Variants in STK39 observed in about 807,000 individuals in gnomAD.
STK39 encodes the protein serine/threonine kinase 39.
In STK39, 20 loss-of-function variants were observed where a neutral mutation model predicts 77.8. The observed-to-expected ratio is 0.26, with a 90% CI of 0.18 to 0.37. The LOEUF (loss-of-function observed/expected upper bound fraction) is 0.37. Ranked by LOEUF, STK39 falls within the 10% of genes least tolerant of loss-of-function variation. The probability of loss-of-function intolerance (pLI) is 1.00; values close to 1 mark genes in which losing one functional copy is unlikely to be tolerated. For missense variants in STK39, 479 were observed against 656.5 expected, an observed-to-expected ratio of 0.73 and a Z score of 2.95; for synonymous variants, 246 against 234.1, an observed-to-expected ratio of 1.05 and a Z score of -0.47.
At chr2:168,049,445 C>G (rs142630864) in intron 14 of STK39, among the ~76,000 whole-genome samples, 1 of 152,286 alleles carries the variant, frequency 6.6e-6, no homozygotes, top group African/African-American at 2.4e-5. Flanking sequence ...TATTTCTGGA[C>G]TTTTCTTTCA....
chr2:168,112,419 C>G (rs947067038), intron 10 of STK39, among the ~76,000 whole-genome samples: 7 of 152,112 alleles, frequency 4.6e-5, no homozygotes, highest in Non-Finnish European at 8.8e-5. Context: ...ATGCTGTTCT[C>G]ATGACACAGT....
intron 14 of STK39, among the ~76,000 whole-genome samples, chr2:168,026,481 T>C (rs1684701148): frequency 6.6e-6 from 1 of 152,220 alleles, no homozygotes; most frequent in Admixed American, 6.5e-5. Flanking sequence ...AGCTGGTTAA[T>C]TCATGCCATT....
At chr2:168,174,318 C>T (rs998940548) in intron 2 of STK39, among the ~76,000 whole-genome samples, 1 of 152,094 alleles carries the variant, frequency 6.6e-6, no homozygotes, top group South Asian at 2.1e-4. Context: ...TACTTGCTAA[C>T]GGAACAGAAT....
chr2:168,038,922 C>G (rs1230399113), intron 14 of STK39, among the ~76,000 whole-genome samples: 1 of 152,108 alleles, frequency 6.6e-6, no homozygotes, highest in East Asian at 1.9e-4. Context: ...TGTAGAGGAA[C>G]TAGAATTCTC....
intron 2 of STK39, among the ~76,000 whole-genome samples, chr2:168,173,069 C>G (rs372682563): frequency 2.6e-5 from 4 of 152,124 alleles, no homozygotes; most frequent in Non-Finnish European, 5.9e-5. Flanking sequence ...CCCCTACTTG[C>G]GAGCTAAGTG....
intron 2 of STK39, among the ~76,000 whole-genome samples, chr2:168,168,928 A>G (rs925657745): frequency 1.1e-4 from 17 of 152,212 alleles, no homozygotes; most frequent in Admixed American, 4.6e-4. Context: ...GGTTGCAGTG[A>G]GCTGAGATCG....
chr2:168,109,201 C>G (rs1687058161), intron 10 of STK39, among the ~76,000 whole-genome samples: 1 of 152,188 alleles, frequency 6.6e-6, no homozygotes, highest in Admixed American at 6.5e-5. Context: ...TAAAATATTG[C>G]TACATGGCAC....
intron 14 of STK39, among the ~76,000 whole-genome samples, chr2:168,052,085 G>C (rs1364482878): frequency 6.6e-6 from 1 of 151,850 alleles, no homozygotes; most frequent in African/African-American, 2.4e-5. Flanking sequence ...TGAACGATGA[G>C]AGTTTGTCCT....
At chr2:168,238,917 GTATGACT>G (rs1558891474) in intron 1 of STK39, among the ~76,000 whole-genome samples, 1 of 152,044 alleles carries the variant, frequency 6.6e-6, no homozygotes, top group African/African-American at 2.4e-5. Flanking sequence ...AGAGGAAAAC[GTATGACT>G]TCACATGATT....
chr2:167,956,667 G>GACACACACACACACACAC (rs762455680), intron 17 of STK39, among the ~76,000 whole-genome samples: 923 of 47,768 alleles, frequency 0.019, 110 homozygotes, highest in African/African-American at 0.029. Flanking sequence ...CTTGCTTTTA[G>GACACACACACACACACAC]ACACACACAC....
intron 16 of STK39, among the ~76,000 whole-genome samples, chr2:167,994,765 A>T (rs769817398): frequency 2.2e-4 from 34 of 152,326 alleles, no homozygotes; most frequent in Non-Finnish European, 3.8e-4. Flanking sequence ...TAGAATTTTA[A>T]TAAACTTAAA....
At chr2:168,211,797 C>A (rs1442935432) in intron 1 of STK39, among the ~76,000 whole-genome samples, 1 of 152,136 alleles carries the variant, frequency 6.6e-6, no homozygotes, top group African/African-American at 2.4e-5. Context: ...TCTTTCTGCA[C>A]AGGGCGTTCA....
At chr2:168,169,844 A>C (rs1264993363) in intron 2 of STK39, among the ~76,000 whole-genome samples, 1 of 152,208 alleles carries the variant, frequency 6.6e-6, no homozygotes, top group Non-Finnish European at 1.5e-5. Flanking sequence ...AAGGACAGGT[A>C]AAAGAAGGGG....
chr2:168,211,760 T>C (rs1275027377), intron 1 of STK39, among the ~76,000 whole-genome samples: 1 of 152,218 alleles, frequency 6.6e-6, no homozygotes, highest in African/African-American at 2.4e-5. Context: ...AAATAATCTG[T>C]CAGTGTAGCT....
chr2:168,132,992 G>A (rs754413127), intron 8 of STK39, among the ~76,000 whole-genome samples: 1 of 152,154 alleles, frequency 6.6e-6, no homozygotes, highest in Non-Finnish European at 1.5e-5. Context: ...TCAATACAGC[G>A]GGGAACAGGA....
intron 16 of STK39, among the ~76,000 whole-genome samples, chr2:167,994,864 CA>C (rs1253348384): frequency 6.6e-6 from 1 of 151,952 alleles, no homozygotes; most frequent in African/African-American, 2.4e-5. Context: ...TGGGCCCCAA[CA>C]AAGTTAAATC....
chr2:168,049,413 T>G (rs181973155), intron 14 of STK39, among the ~76,000 whole-genome samples: 3 of 152,326 alleles, frequency 2.0e-5, no homozygotes, highest in African/African-American at 7.2e-5. Flanking sequence ...ACAAAATCCT[T>G]AACCAAGTAT....
chr2:167,956,564 G>GA (rs60443441), intron 17 of STK39, among the ~76,000 whole-genome samples: 60,136 of 126,330 alleles, frequency 0.48, 15,001 homozygotes, highest in African/African-American at 0.69. Context: ...CTCCACCTCA[G>GA]AAAAAAAAAA....
chr2:167,956,847 TG>T (rs1691799072), intron 17 of STK39, among the ~76,000 whole-genome samples: 1 of 151,526 alleles, frequency 6.6e-6, no homozygotes, highest in Non-Finnish European at 1.5e-5. Context: ...GATGAATGAC[TG>T]GGAATGGGCA....
Sources: gnomAD v4.1 joint callset for allele counts (sites outside exome capture counted in the v4.1 genomes callset) on GRCh38, gnomAD v4.1.1 for gene constraint, MANE v1.5 for transcripts, NCBI Gene and HGNC (gene_info 2026-07-23, HGNC 2026-07-21) for gene names.